Variants in CACNA2D2 observed in about 807,000 individuals in gnomAD.
CACNA2D2 encodes voltage-dependent calcium channel subunit alpha-2/delta-2.
CACNA2D2 carries 48 observed loss-of-function variants against 166.4 expected under a neutral mutation model. The ratio of observed to expected loss-of-function variants is 0.29; its 90% CI spans 0.23 to 0.37. The LOEUF is 0.37. CACNA2D2 is among the 10% of genes least tolerant of loss of function. The pLI is 1.00. For synonymous variants in CACNA2D2, 561 were observed against 573.7 expected, an observed-to-expected ratio of 0.98 and a Z score of 0.32; for missense variants, 1,122 against 1,433.0, an observed-to-expected ratio of 0.78 and a Z score of 3.50.
chr3:50,378,847 T>C, intron 13 of CACNA2D2, 68 bp downstream of exon 13: 4 of 1,581,050 alleles, frequency 2.5e-6, no homozygotes, highest in Non-Finnish European at 2.6e-6. Context: ...GGATGGCCAG[T>C]TGAACATACG....
At position 50,362,676 on chromosome 3, in the gene CACNA2D2, G is replaced by A. The variant is rs1327859284; in HGVS notation, c.*1990C>T. 1 of 154,658 alleles carries A rather than the reference G, an allele frequency of 6.5e-6. No homozygotes were observed. Among genetic ancestry groups the A allele is most frequent in the African/African-American group, 2.4e-5 (1 of 41,518 alleles). The allele number at this position is 154,658 out of a possible 1,614,324, so 9.6% of individuals were successfully genotyped here. A position where few individuals can be genotyped will look rare whatever the true frequency, so the allele number is the denominator to read the frequency against. On this transcript the variant is annotated 3_prime_UTR_variant, in exon 38 of 38. Transcript: ENST00000424201. ...CAAGTGCCATGCCCTGTGGTTGACA[G>A]GGACCTGGGCTACCATGGTCTTCAC...
At chr3:50,368,987 T>C (rs1021360443) in intron 23 of CACNA2D2, among the ~76,000 whole-genome samples, 5 of 152,208 alleles carry the variant, frequency 3.3e-5, no homozygotes, top group Admixed American at 2.0e-4. Flanking sequence ...CGCTTCATTG[T>C]CCCATATGGC....
At chr3:50,416,901 C>T (rs767378905) in intron 3 of CACNA2D2, among the ~76,000 whole-genome samples, 2 of 152,188 alleles carry the variant, frequency 1.3e-5, no homozygotes, top group African/African-American at 4.8e-5. Context: ...CACAGATACA[C>T]GTGGGCATGA....
At chr3:50,374,521 C>T (rs587687389) in intron 22 of CACNA2D2, among the ~76,000 whole-genome samples, 1 of 152,094 alleles carries the variant, frequency 6.6e-6, no homozygotes, top group South Asian at 2.1e-4. Context: ...CAACAGAAAC[C>T]ATGAAAGAAT....
intron 3 of CACNA2D2, 107 bp from the exon 4 acceptor site, chr3:50,394,275 G>T: frequency 1.2e-6 from 1 of 864,296 alleles, no homozygotes; most frequent in Non-Finnish European, 2.0e-6. Context: ...GGCTGGACTG[G>T]TGACTCCCTT....
At chr3:50,411,168 T>A (rs1706996079) in intron 3 of CACNA2D2, among the ~76,000 whole-genome samples, 1 of 152,186 alleles carries the variant, frequency 6.6e-6, no homozygotes, top group African/African-American at 2.4e-5. Context: ...CTATGACCTG[T>A]CTGGCCCTCA....
At chr3:50,481,744 C>T (rs1248866884) in intron 1 of CACNA2D2, among the ~76,000 whole-genome samples, 1 of 152,162 alleles carries the variant, frequency 6.6e-6, no homozygotes, top group Non-Finnish European at 1.5e-5. Flanking sequence ...CCCTGTAACC[C>T]CAGCACTTTG....
chr3:50,438,825 GA>G (rs1708464928), intron 2 of CACNA2D2, among the ~76,000 whole-genome samples: 1 of 152,238 alleles, frequency 6.6e-6, no homozygotes, highest in African/African-American at 2.4e-5. Context: ...AGAGGAAAAG[GA>G]GAGAGGAGAG....
intron 3 of CACNA2D2, among the ~76,000 whole-genome samples, chr3:50,412,322 A>G (rs1707055290): frequency 1.3e-5 from 2 of 152,308 alleles, no homozygotes; most frequent in Admixed American, 6.5e-5. Flanking sequence ...CACCACCCCA[A>G]TGGTGGGCAG....
intron 23 of CACNA2D2, among the ~76,000 whole-genome samples, chr3:50,369,096 T>C (rs893944320): frequency 6.6e-6 from 1 of 152,168 alleles, no homozygotes; most frequent in Non-Finnish European, 1.5e-5. Context: ...GGCCCCACTC[T>C]CTCCTTGGCC....
At chr3:50,408,591 G>A (rs567985732) in intron 3 of CACNA2D2, among the ~76,000 whole-genome samples, 11 of 152,366 alleles carry the variant, frequency 7.2e-5, no homozygotes, top group East Asian at 3.9e-4. Context: ...TGGTTATTAC[G>A]AGGAGTAAAG....
chr3:50,451,463 C>T (rs1176694060), intron 2 of CACNA2D2, among the ~76,000 whole-genome samples: 2 of 152,162 alleles, frequency 1.3e-5, no homozygotes, highest in African/African-American at 2.4e-5. Context: ...GGCTGCCTGA[C>T]ACTTTGTTGA....
chr3:50,433,937 A>G (rs1708191431), intron 3 of CACNA2D2, among the ~76,000 whole-genome samples: 1 of 152,120 alleles, frequency 6.6e-6, no homozygotes, highest in South Asian at 2.1e-4. Flanking sequence ...GGCAAACTCC[A>G]CCAGCAGCAG....
rs141913692 is a variant in CACNA2D2, at chr3:50,481,952, G to A, written c.207-5753C>T. 2.5e-3 allele frequency among the ~76,000 whole-genome samples: 375 copies of A among 152,292 alleles called. 2 individuals are homozygous for A. Among genetic ancestry groups the A allele is most frequent in the African/African-American group, 8.6e-3 (358 of 41,552 alleles). On this transcript the variant is annotated intron_variant, in intron 1 of 37. Coordinates refer to ENST00000424201, the MANE Select transcript of CACNA2D2 (RefSeq NM_006030.4). ...CAAGGCTGCACTGAGCCAAGGCCAT[G>A]CCACTGTATTCCAGCGTGGGTGACA... is the stretch of plus-strand genomic sequence containing the variant.
chr3:50,488,065 G>A (rs909382439), intron 1 of CACNA2D2, among the ~76,000 whole-genome samples: 1 of 152,196 alleles, frequency 6.6e-6, no homozygotes, highest in African/African-American at 2.4e-5. Flanking sequence ...TGCATGGGAA[G>A]GGGCCTGACC....
intron 2 of CACNA2D2, among the ~76,000 whole-genome samples, chr3:50,453,273 A>C (rs1575710072): frequency 6.6e-6 from 1 of 151,886 alleles, no homozygotes; most frequent in South Asian, 2.1e-4. Flanking sequence ...CATCTGTGCC[A>C]CCTCCCAAGT....
chr3:50,387,540 G>A (rs1705671703), intron 5 of CACNA2D2, 28 bp downstream of exon 5: 1 of 1,604,410 alleles, frequency 6.2e-7, no homozygotes, highest in South Asian at 1.1e-5. Flanking sequence ...GCCCAGCAAG[G>A]AGGTGTGGCT....
chr3:50,478,112 C>G (rs917038993), intron 1 of CACNA2D2, among the ~76,000 whole-genome samples: 1 of 152,092 alleles, frequency 6.6e-6, no homozygotes, highest in East Asian at 1.9e-4. Flanking sequence ...GCTGGCTGAG[C>G]CACAGCCGGA....
chr3:50,457,355 T>C (rs900729214), intron 2 of CACNA2D2, among the ~76,000 whole-genome samples: 2 of 152,202 alleles, frequency 1.3e-5, no homozygotes, highest in Non-Finnish European at 2.9e-5. Flanking sequence ...TCAGGGAAGT[T>C]GGAACTGAGG....
Sources: gnomAD v4.1 joint callset for allele counts (sites outside exome capture counted in the v4.1 genomes callset) on GRCh38, gnomAD v4.1.1 for gene constraint, MANE v1.5 for transcripts, NCBI Gene and HGNC (gene_info 2026-07-23, HGNC 2026-07-21) for gene names.